Variants in PRKN observed in about 807,000 individuals in gnomAD.
The protein encoded by PRKN is E3 ubiquitin-protein ligase parkin.
In PRKN, 56 loss-of-function variants were observed where a neutral mutation model predicts 59.5. That is an observed-to-expected ratio of 0.94 (90% CI 0.76 to 1.18). The LOEUF (loss-of-function observed/expected upper bound fraction) is 1.18. PRKN is among the 50% of genes most tolerant of loss of function. The pLI, the probability that PRKN is intolerant of heterozygous loss-of-function variation, is 0.00. For synonymous variants in PRKN, 250 were observed against 222.1 expected, an observed-to-expected ratio of 1.13 and a Z score of -1.12; for missense variants, 657 against 596.4, an observed-to-expected ratio of 1.10 and a Z score of -1.06.
At chr6:161,757,614 G>T (rs1788981785) in intron 7 of PRKN, among the ~76,000 whole-genome samples, 1 of 151,920 alleles carries the variant, frequency 6.6e-6, no homozygotes, top group Non-Finnish European at 1.5e-5. Context: ...GAGGTGGGTG[G>T]ATCACCTGAG....
At chr6:161,689,921 G>T (rs1785715036) in intron 7 of PRKN, among the ~76,000 whole-genome samples, 1 of 129,858 alleles carries the variant, frequency 7.7e-6, no homozygotes, top group African/African-American at 3.0e-5. Context: ...TGTTGGCCAG[G>T]CTGGTCTCGA....
intron 6 of PRKN, among the ~76,000 whole-genome samples, chr6:161,877,569 C>T (rs1291308252): frequency 6.6e-6 from 1 of 151,468 alleles, no homozygotes; most frequent in South Asian, 2.1e-4. Context: ...ACGCTGTTCT[C>T]CTGCCTCGGC....
chr6:161,659,068 C>T (rs1036236271), intron 7 of PRKN, among the ~76,000 whole-genome samples: 2 of 152,182 alleles, frequency 1.3e-5, no homozygotes, highest in African/African-American at 4.8e-5. Context: ...GCTGGTCTCT[C>T]CATTGTCCTT....
intron 6 of PRKN, among the ~76,000 whole-genome samples, chr6:161,927,085 C>G (rs1049077673): frequency 6.6e-6 from 1 of 151,968 alleles, no homozygotes; most frequent in Non-Finnish European, 1.5e-5. Context: ...GGAGAAGATA[C>G]TATACACTAA....
In PRKN at chr6:161,402,553, C is replaced by A. The variant is rs959070612; in HGVS notation, c.1084-15676G>T. Among the ~76,000 whole-genome samples the A allele has an allele frequency of 6.6e-6, 1 of 152,048 alleles. No homozygotes were observed. Among genetic ancestry groups the A allele is most frequent in the East Asian group, 1.9e-4 (1 of 5,174 alleles). ...GGGAGCAAAAGATGGCTTCCCTCTACCCTCCCAGGTTCTTTGGCTGGGCTA... is the reference window on the plus strand; with the variant it reads ...GGGAGCAAAAGATGGCTTCCCTCTAACCTCCCAGGTTCTTTGGCTGGGCTA... On this transcript the variant is annotated intron_variant, in intron 9 of 11. Transcript: ENST00000366898. This position sits in a 1 kb window ranked among gnomAD's most constrained non-coding sequence, Gnocchi z 4.5.
chr6:162,028,192 G>C (rs1400488739), intron 5 of PRKN, among the ~76,000 whole-genome samples: 2 of 152,154 alleles, frequency 1.3e-5, no homozygotes, highest in African/African-American at 4.8e-5. Context: ...TCTAAAACAT[G>C]GTTTTAAAGT....
At chr6:162,425,398 CACCATCAGGATTAGTT>C (rs1789185018) in intron 2 of PRKN, among the ~76,000 whole-genome samples, 2 of 152,132 alleles carry the variant, frequency 1.3e-5, no homozygotes, top group South Asian at 4.1e-4. Flanking sequence ...TACACCCAGT[CACCATCAGGATTAGTT>C]ACCTAAGAAC....
rs904385753 is a variant in PRKN at position 161,545,217 on chromosome 6, A to G, written c.1083+3637T>C. On this transcript the variant is annotated intron_variant, in intron 9 of 11. Coordinates refer to ENST00000366898, the MANE Select transcript of PRKN (RefSeq NM_004562.3). The surrounding 1 kb of genome is among the most constrained non-coding windows in gnomAD (Gnocchi z 4.1). ...CTTTTTCTATCTTGATAATTGAGGG[A>G]AAAAAAAATTAAGCACGGGTGAATT... 2.4e-5 allele frequency: 31 copies of G among 1,300,282 alleles called. No homozygotes were observed. The highest frequency in any genetic ancestry group is 1.9e-4 in the South Asian group (8 of 41,424). 80.5% of individuals were successfully genotyped at this position (1,300,282 alleles called of 1,614,324 possible). A position where few individuals can be genotyped will look rare whatever the true frequency, so the allele number is the denominator to read the frequency against.
intron 7 of PRKN, among the ~76,000 whole-genome samples, chr6:161,707,055 C>A (rs13220282): frequency 7.8e-4 from 118 of 151,756 alleles, no homozygotes; most frequent in African/African-American, 2.7e-3. Flanking sequence ...TCAATTTTTC[C>A]TGTCTCATTG....
At chr6:162,465,647 T>C (rs1791377433) in intron 1 of PRKN, among the ~76,000 whole-genome samples, 1 of 152,160 alleles carries the variant, frequency 6.6e-6, no homozygotes, top group African/African-American at 2.4e-5. Flanking sequence ...GAATAGGAAG[T>C]GTTAATGTTA....
intron 4 of PRKN, among the ~76,000 whole-genome samples, chr6:162,122,880 T>C (rs1197530176): frequency 6.6e-6 from 1 of 152,112 alleles, no homozygotes; most frequent in East Asian, 1.9e-4. Flanking sequence ...GTGGCTGCTT[T>C]CACTACTATA....
chr6:162,400,832 G>A (rs1323007294), intron 2 of PRKN, among the ~76,000 whole-genome samples: 1 of 152,048 alleles, frequency 6.6e-6, no homozygotes, highest in Non-Finnish European at 1.5e-5. Context: ...AATAAAATAT[G>A]AATTAATTTG....
chr6:162,320,656 C>G (rs74717862), intron 2 of PRKN, among the ~76,000 whole-genome samples: 5,036 of 151,674 alleles, frequency 0.033, 273 homozygotes, highest in African/African-American at 0.11. Context: ...ATAACCACTA[C>G]AAAAACAGTT....
chr6:161,884,630 C>A (rs1795063591), intron 6 of PRKN, among the ~76,000 whole-genome samples: 1 of 152,132 alleles, frequency 6.6e-6, no homozygotes, highest in African/African-American at 2.4e-5. Flanking sequence ...ATTCTGCTTT[C>A]TGTCATTTCT....
intron 7 of PRKN, among the ~76,000 whole-genome samples, chr6:161,636,545 G>A (rs1198578000): frequency 6.6e-6 from 1 of 152,162 alleles, no homozygotes; most frequent in Admixed American, 6.5e-5. Flanking sequence ...CTTTGATACA[G>A]AGTTCCCCTG....
At chr6:162,631,471 T>C (rs567857325) in intron 1 of PRKN, among the ~76,000 whole-genome samples, 12 of 152,314 alleles carry the variant, frequency 7.9e-5, no homozygotes, top group African/African-American at 2.6e-4. Context: ...CATAGGTTTG[T>C]TGGTAGCTTG....
At chr6:162,090,207 A>G (rs148111641) in intron 4 of PRKN, among the ~76,000 whole-genome samples, 2 of 152,148 alleles carry the variant, frequency 1.3e-5, no homozygotes, top group African/African-American at 4.8e-5. Context: ...GGAAGGATGT[A>G]TGTCTAGAGA....
At chr6:162,723,627 G>T (rs1011746841) in intron 1 of PRKN, among the ~76,000 whole-genome samples, 3 of 152,122 alleles carry the variant, frequency 2.0e-5, no homozygotes, top group Admixed American at 6.5e-5. Context: ...TGTAAAATTG[G>T]GCAACTTATT....
intron 1 of PRKN, among the ~76,000 whole-genome samples, chr6:162,581,835 C>A: frequency 6.6e-6 from 1 of 152,098 alleles, no homozygotes; most frequent in East Asian, 1.9e-4. Context: ...AATTACTTAA[C>A]TGAACTATCT....
Sources: allele counts gnomAD v4.1 joint callset (sites outside exome capture counted in the v4.1 genomes callset), GRCh38; gene constraint gnomAD v4.1.1; non-coding constraint Gnocchi (gnomAD v3.1); transcripts MANE v1.5; gene names NCBI Gene and HGNC (gene_info 2026-07-23, HGNC 2026-07-21).